The following BACH2 variants were observed in gnomAD, a reference collection of about 807,000 sequenced individuals.
BACH2 encodes the protein BACH transcriptional regulator 2, also known as transcription regulator protein BACH2.
Under a neutral mutation model 61.8 loss-of-function variants are expected in BACH2, and 5 were observed. That is an observed-to-expected ratio of 0.08 (90% CI 0.04 to 0.17). BACH2 has a LOEUF of 0.17. BACH2 is among the 10% of genes least tolerant of loss of function. The probability of loss-of-function intolerance (pLI) is 1.00; values close to 1 mark genes in which losing one functional copy is unlikely to be tolerated. For synonymous variants in BACH2, 446 were observed against 440.1 expected (o/e 1.01, Z -0.17); for missense variants, 824 against 1,091.1 (o/e 0.76, Z 3.45).
chr6:90,179,600 C>T (rs1402418372), intron 4 of BACH2, among the ~76,000 whole-genome samples: 1 of 152,138 alleles, frequency 6.6e-6, no homozygotes, highest in Non-Finnish European at 1.5e-5. Flanking sequence ...AACTATGAAG[C>T]ATCTTGTGCC....
At chr6:90,230,714 A>G (rs911674146) in intron 3 of BACH2, among the ~76,000 whole-genome samples, 3 of 152,188 alleles carry the variant, frequency 2.0e-5, no homozygotes, top group African/African-American at 7.2e-5. Flanking sequence ...AAGAAAAGCG[A>G]TGTGGAGACC....
intron 2 of BACH2, among the ~76,000 whole-genome samples, chr6:90,260,966 C>T (rs1771137822): frequency 6.6e-6 from 1 of 152,110 alleles, no homozygotes; most frequent in African/African-American, 2.4e-5. Context: ...AATAGGAGCC[C>T]CTATTGTGCT....
chr6:89,972,339 TG>T (rs1407928585), intron 6 of BACH2, among the ~76,000 whole-genome samples: 1 of 151,822 alleles, frequency 6.6e-6, no homozygotes, highest in Non-Finnish European at 1.5e-5. Context: ...ATACAGGCAG[TG>T]GTGTTGGGAA....
intron 3 of BACH2, among the ~76,000 whole-genome samples, chr6:90,227,817 A>AG (rs1769965809): frequency 2.6e-5 from 4 of 152,000 alleles, no homozygotes; most frequent in South Asian, 2.1e-4. Flanking sequence ...AAAAAAAAAA[A>AG]GCTCTTCCAA....
chr6:90,091,926 A>G (rs12529508), intron 4 of BACH2, among the ~76,000 whole-genome samples: 65,092 of 151,884 alleles, frequency 0.43, 16,908 homozygotes, highest in East Asian at 0.82. Flanking sequence ...GTCAACGCAG[A>G]TAGAATAGCT....
Position 89,990,575 on chromosome 6 carries a change from C to G in BACH2, c.243+18027G>C, listed in dbSNP as rs1002714531. Among the ~76,000 whole-genome samples, 6 of 151,672 alleles carry G rather than the reference C, an allele frequency of 4.0e-5. 1 individual carries two copies. The highest frequency in any genetic ancestry group is 1.5e-4 in the African/African-American group (6 of 41,344). On this transcript the variant is annotated intron_variant, in intron 6 of 8. Coordinates refer to ENST00000257749, the MANE Select transcript of BACH2 (RefSeq NM_021813.4). The stretch of plus-strand genomic sequence containing the variant: ...ATTTCTAATCAGTTTGCAAGAAAAA[C>G]TAAAATTGTGAAGGCAACCCATCTA...
intron 5 of BACH2, among the ~76,000 whole-genome samples, chr6:90,051,112 A>G (rs1780025447): frequency 6.6e-6 from 1 of 152,148 alleles, no homozygotes; most frequent in Non-Finnish European, 1.5e-5. Context: ...TTTTGAGAAC[A>G]ATTGACCTGA....
chr6:89,931,344 T>C lies in BACH2; in HGVS notation c.*1064A>G, dbSNP rs1335315711. 6.5e-6 allele frequency: 1 copy of C among 152,712 alleles called. No homozygotes were observed. The highest frequency in any genetic ancestry group is 2.4e-5 in the African/African-American group (1 of 41,458). The allele number at this position is 152,712 out of a possible 1,614,324, so 9.5% of individuals were successfully genotyped here. A position where few individuals can be genotyped will look rare whatever the true frequency, so the allele number is the denominator to read the frequency against. ...GTGGGGAGGAGGTGAAATATAAAAA[T>C]ATTCAAGCAGATTATTGTCTACACA... On this transcript the variant is annotated 3_prime_UTR_variant, in exon 9 of 9. Coordinates refer to ENST00000257749, the MANE Select transcript of BACH2 (RefSeq NM_021813.4).
At chr6:90,123,748 C>A (rs1218165409) in intron 4 of BACH2, among the ~76,000 whole-genome samples, 4 of 111,640 alleles carry the variant, frequency 3.6e-5, no homozygotes, top group African/African-American at 1.5e-4. Flanking sequence ...CCAGCCTGGG[C>A]GACAGAGCGA....
At chr6:90,180,103 C>T (rs1176403248) in intron 4 of BACH2, among the ~76,000 whole-genome samples, 3 of 152,080 alleles carry the variant, frequency 2.0e-5, no homozygotes, top group Admixed American at 6.6e-5. Context: ...AGTCTTAGTG[C>T]ATTTTAAACT....
chr6:90,127,892 T>C lies in BACH2; in HGVS notation c.-161-38783A>G, dbSNP rs748953757. Among the ~76,000 whole-genome samples the C allele has an allele frequency of 7.2e-5, 11 of 152,340 alleles. No individual in the cohort carries two copies. In the South Asian group the frequency reaches 1.0e-3, roughly 14 times the overall value. ...CTTCTGGCAATTGGAAGTAGCCACA[T>C]GTGTAAAAACTACGCAGTGCAAGGA... On this transcript the variant is annotated intron_variant, in intron 4 of 8. Transcript: ENST00000257749.
intron 3 of BACH2, among the ~76,000 whole-genome samples, chr6:90,219,151 T>C (rs1478217831): frequency 6.6e-6 from 1 of 152,198 alleles, no homozygotes; most frequent in Non-Finnish European, 1.5e-5. Flanking sequence ...CTCCCTATGA[T>C]GTCACTTCTC....
chr6:90,135,814 G>A (rs1304724596), intron 4 of BACH2, among the ~76,000 whole-genome samples: 7 of 152,128 alleles, frequency 4.6e-5, no homozygotes, highest in Non-Finnish European at 1.0e-4. Context: ...GACATTCACT[G>A]GGCACACATC....
At chr6:90,134,771 C>A (rs1784216487) in intron 4 of BACH2, among the ~76,000 whole-genome samples, 1 of 152,152 alleles carries the variant, frequency 6.6e-6, no homozygotes, top group South Asian at 2.1e-4. Context: ...TGAATTGAAG[C>A]CTTGTGCAAA....
chr6:90,096,529 T>C lies in BACH2; in HGVS notation c.-161-7420A>G, dbSNP rs183905769. 3.7e-3 allele frequency among the ~76,000 whole-genome samples: 556 copies of C among 152,328 alleles called. 2 individuals are homozygous for C. The highest frequency in any genetic ancestry group is 6.1e-3 in the Non-Finnish European group (418 of 68,014). ...GGGACCTAGCTTCTCTTGCTAACCA[T>C]TGATACCTGACACTTGGAATAGTGC... is the stretch of plus-strand genomic sequence containing the variant. On this transcript the variant is annotated intron_variant, in intron 4 of 8. Coordinates refer to ENST00000257749, the MANE Select transcript of BACH2 (RefSeq NM_021813.4).
chr6:89,969,982 C>A (rs1006225235), intron 6 of BACH2, among the ~76,000 whole-genome samples: 4 of 151,952 alleles, frequency 2.6e-5, no homozygotes, highest in African/African-American at 9.7e-5. Context: ...TCTTTTAGAT[C>A]AGCTTGGAAA....
chr6:90,012,822 C>CGT (rs1193733756), intron 5 of BACH2, among the ~76,000 whole-genome samples: 2 of 151,832 alleles, frequency 1.3e-5, no homozygotes, highest in Admixed American at 6.6e-5. Flanking sequence ...CATGTGCCAC[C>CGT]GTGCTTGGTC....
chr6:90,043,010 C>CTAA (rs1277731764), intron 5 of BACH2, among the ~76,000 whole-genome samples: 1 of 152,000 alleles, frequency 6.6e-6, no homozygotes, highest in Non-Finnish European at 1.5e-5. Context: ...ATAGGATTTG[C>CTAA]TAATGGACTG....
chr6:90,175,492 A>C (rs1767955484), intron 4 of BACH2, among the ~76,000 whole-genome samples: 1 of 152,110 alleles, frequency 6.6e-6, no homozygotes, highest in Admixed American at 6.6e-5. Context: ...AAAAGGCTTG[A>C]CTTCTCATAT....
Sources: gnomAD v4.1 joint callset for allele counts (sites outside exome capture counted in the v4.1 genomes callset) on GRCh38, gnomAD v4.1.1 for gene constraint, MANE v1.5 for transcripts, NCBI Gene and HGNC (gene_info 2026-07-23, HGNC 2026-07-21) for gene names.